The following ADAMTS9 variants were observed in gnomAD, a reference collection of about 807,000 sequenced individuals.
The protein encoded by ADAMTS9 is A disintegrin and metalloproteinase with thrombospondin motifs 9.
A neutral mutation model predicts 257.1 loss-of-function variants in ADAMTS9; 107 were observed. That is an observed-to-expected ratio of 0.42 (90% CI 0.36 to 0.49). ADAMTS9 has a LOEUF of 0.49. Among genes scored for constraint, ADAMTS9 ranks in the 20% least tolerant of loss-of-function variants. ADAMTS9 has a pLI of 0.03. For synonymous variants in ADAMTS9, 982 were observed against 880.9 expected, an observed-to-expected ratio of 1.11 and a Z score of -2.03; for missense variants, 2,353 against 2,469.1, an observed-to-expected ratio of 0.95 and a Z score of 1.00.
At chr3:64,652,625 A>C (rs750427772) in intron 8 of ADAMTS9, among the ~76,000 whole-genome samples, 3 of 152,192 alleles carry the variant, frequency 2.0e-5, no homozygotes, top group Non-Finnish European at 2.9e-5. Context: ...ATTTTCATTC[A>C]AATGTTACTC....
chr3:64,528,812 T>C (rs749272187), intron 38 of ADAMTS9, among the ~76,000 whole-genome samples: 2 of 152,166 alleles, frequency 1.3e-5, no homozygotes, highest in Non-Finnish European at 2.9e-5. Context: ...AATAAGTCAA[T>C]GAGAAAGGGG....
chr3:64,535,240 A>G (rs141375127), intron 37 of ADAMTS9, among the ~76,000 whole-genome samples: 1 of 151,990 alleles, frequency 6.6e-6, no homozygotes, highest in Non-Finnish European at 1.5e-5. Context: ...TTAGCTGGGC[A>G]TGGTGGTGTG....
At chr3:64,661,034 G>A (rs752851366) in intron 3 of ADAMTS9, among the ~76,000 whole-genome samples, 2 of 152,192 alleles carry the variant, frequency 1.3e-5, no homozygotes, top group African/African-American at 2.4e-5. Flanking sequence ...TCTGGCTGAT[G>A]GCAATCAGAT....
At position 64,561,066 on chromosome 3, in the gene ADAMTS9, T is replaced by TTC. The variant is rs375388521; in HGVS notation, c.4698+511_4698+512insGA. ...GGAGCAGTTTCTTCAGATACCATCC[T>TTC]TTTTTTTTTTTTTTAAATGTTAGAA... is the stretch of plus-strand genomic sequence containing the variant. On this transcript the variant is annotated intron_variant, in intron 30 of 39. Transcript: ENST00000498707. Among the ~76,000 whole-genome samples the TTC allele has an allele frequency of 9.8e-3, 707 of 71,886 alleles. 3 individuals carry two copies. The highest frequency in any genetic ancestry group is 0.011 in the Non-Finnish European group (459 of 42,780). The allele number at this position is 71,886 out of a possible 152,430, so 47.2% of individuals were successfully genotyped here.
intron 12 of ADAMTS9, among the ~76,000 whole-genome samples, chr3:64,639,312 T>TTA (rs1700580900): frequency 4.5e-5 from 4 of 89,252 alleles, no homozygotes; most frequent in Non-Finnish European, 5.9e-5. Context: ...TTTTTTTTTT[T>TTA]AAAAAAAAAA....
At chr3:64,633,293 A>G (rs1337947339) in intron 14 of ADAMTS9, among the ~76,000 whole-genome samples, 179 bp downstream of exon 14, 1 of 152,102 alleles carries the variant, frequency 6.6e-6, no homozygotes, top group African/African-American at 2.4e-5. Flanking sequence ...AAACTTTGGC[A>G]CTACACGCAT....
intron 6 of ADAMTS9, among the ~76,000 whole-genome samples, chr3:64,655,352 G>C (rs1231610065): frequency 3.7e-4 from 56 of 152,196 alleles, no homozygotes; most frequent in Admixed American, 3.6e-3. Flanking sequence ...GACATTGCTG[G>C]TTGTCACACC....
chr3:64,579,985 A>G (rs2083953626), intron 28 of ADAMTS9, among the ~76,000 whole-genome samples: 1 of 152,198 alleles, frequency 6.6e-6, no homozygotes, highest in South Asian at 2.1e-4. Context: ...TGTAAATGCA[A>G]GAAACATTGA....
intron 39 of ADAMTS9, among the ~76,000 whole-genome samples, chr3:64,518,644 G>A (rs1575970076): frequency 6.6e-6 from 1 of 152,012 alleles, no homozygotes; most frequent in African/African-American, 2.4e-5. Context: ...AAAGCTGATC[G>A]AGCTGATTCT....
chr3:64,639,931 C>A (rs754563086), intron 12 of ADAMTS9, among the ~76,000 whole-genome samples: 5 of 152,108 alleles, frequency 3.3e-5, no homozygotes, highest in Non-Finnish European at 5.9e-5. Context: ...AAATGACACA[C>A]ACTGAATTAC....
rs767514032 is a variant in ADAMTS9 at position 64,550,917 on chromosome 3, A to C, written c.4844T>G (p.Val1615Gly). The stretch of plus-strand genomic sequence containing the variant: ...CTCTGACCATTCTCCTGTGATCCAG[A>C]CATACTCGCAGGGTTGCAAACTACA... ...ESCSLQPCEY[V>G]WITGEWSECS... The change falls in exon 31 of 40, where the codon GTC becomes GGC. Residue 1615 changes from valine to glycine, a missense_variant. By Grantham distance (109) the Val-to-Gly change is moderately radical. Coordinates refer to ENST00000498707, the MANE Select transcript of ADAMTS9 (RefSeq NM_182920.2). The C allele has an allele frequency of 1.2e-6, 2 of 1,614,122 alleles. No individual in the cohort carries two copies. The highest frequency in any genetic ancestry group is 2.7e-5 in the African/African-American group (2 of 75,048).
In ADAMTS9 at chr3:64,546,891, G is replaced by T. The variant is rs769112309; in HGVS notation, c.4931C>A (p.Thr1644Asn). 3 of 1,613,934 alleles carry T rather than the reference G, an allele frequency of 1.9e-6. No individual in the cohort carries two copies. The highest frequency in any genetic ancestry group is 2.5e-6 in the Non-Finnish European group (3 of 1,179,984). ...GCTGTATTCATAATTCTCCTTCCCG[G>T]TGTAAATCTCGCTGCACGAGACAAG... ...QRLVSCSEIYTGKENYEYSYQ... is the reference protein window; with the variant it reads ...QRLVSCSEIYNGKENYEYSYQ... Residue 1644 changes from threonine (T) to asparagine (N), a missense_variant, in exon 32 of 40, where the codon ACC becomes AAC. Coordinates refer to ENST00000498707, the MANE Select transcript of ADAMTS9 (RefSeq NM_182920.2).
chr3:64,675,766 A>G (rs567680047), intron 3 of ADAMTS9, among the ~76,000 whole-genome samples: 1 of 152,322 alleles, frequency 6.6e-6, no homozygotes, highest in East Asian at 1.9e-4. Context: ...CATTTTGGAC[A>G]AGTTTCTCAA....
intron 25 of ADAMTS9, among the ~76,000 whole-genome samples, chr3:64,603,157 A>G (rs1331751593): frequency 6.6e-6 from 1 of 152,190 alleles, no homozygotes; most frequent in Non-Finnish European, 1.5e-5. Flanking sequence ...CGTCTTCTTT[A>G]AGAGCAGAGC....
chr3:64,653,488 T>G (rs963242665), intron 8 of ADAMTS9, among the ~76,000 whole-genome samples: 8 of 152,316 alleles, frequency 5.3e-5, no homozygotes, highest in Admixed American at 3.9e-4. Context: ...GACACCTGTG[T>G]ATATGCATCT....
Position 64,542,430 on chromosome 3 carries a change from C to CTTTCTTTCTT in ADAMTS9, c.5065-461_5065-460insAAGAAAGAAA, listed in dbSNP as rs56347750. ...CTGATCACTTTTCATTTCTTTCTTT[C>CTTTCTTTCTT]TTTTTTTTTTTTTTGAGACAGAGTT... On this transcript the variant is annotated intron_variant, in intron 32 of 39. Transcript: ENST00000498707. 3.9e-3 allele frequency among the ~76,000 whole-genome samples: 480 copies of CTTTCTTTCTT among 124,528 alleles called. 6 individuals are homozygous for CTTTCTTTCTT. The highest frequency in any genetic ancestry group is 5.0e-3 in the Non-Finnish European group (316 of 62,908). The allele number at this position is 124,528 out of a possible 152,430, so 81.7% of individuals were successfully genotyped here.
In ADAMTS9 at chr3:64,644,551, G is replaced by A. The variant is rs111666089; in HGVS notation, c.1711-2558C>T. ...CCTATATTTTCCAAAGTTTCCCTAC[G>A]GATAGAGGTGGTCAGAGAGATGTAA... On this transcript the variant is annotated intron_variant, in intron 11 of 39. Coordinates refer to ENST00000498707, the MANE Select transcript of ADAMTS9 (RefSeq NM_182920.2). 6.2e-3 allele frequency among the ~76,000 whole-genome samples: 937 copies of A among 152,228 alleles called. 16 individuals are homozygous for A. Among genetic ancestry groups the A allele is most frequent in the East Asian group, 0.05 (259 of 5,176 alleles).
At chr3:64,522,362 C>T in intron 38 of ADAMTS9, 102 bp from the exon 39 acceptor site, 1 of 993,318 alleles carries the variant, frequency 1.0e-6, no homozygotes, top group South Asian at 1.4e-5. Flanking sequence ...GTAAACAGGC[C>T]TTCTGAACTG....
At chr3:64,603,851 C>T in intron 25 of ADAMTS9, 71 bp downstream of exon 25, 1 of 1,527,190 alleles carries the variant, frequency 6.5e-7, no homozygotes, top group African/African-American at 1.4e-5. Context: ...GTGGCGCCCC[C>T]CTCCGCTGAC....
Sources: gnomAD v4.1 joint callset for allele counts (sites outside exome capture counted in the v4.1 genomes callset) on GRCh38, gnomAD v4.1.1 for gene constraint, MANE v1.5 for transcripts, NCBI Gene and HGNC (gene_info 2026-07-23, HGNC 2026-07-21) for gene names.